Variants in LCTL observed in about 807,000 individuals in gnomAD.
The protein encoded by LCTL is lactase-like protein.
A neutral mutation model predicts 75.8 loss-of-function variants in LCTL; 76 were observed. That is an observed-to-expected ratio of 1.00 (90% CI 0.83 to 1.21). The LOEUF is 1.21. Ranked by LOEUF, LCTL falls within the 50% of genes most tolerant of loss-of-function variation. The pLI is 0.00. For synonymous variants in LCTL, 271 were observed against 268.8 expected, an observed-to-expected ratio of 1.01 and a Z score of -0.08; for missense variants, 670 against 712.4, an observed-to-expected ratio of 0.94 and a Z score of 0.68.
exon 13 of LCTL, chr15:66,547,993 G>A (rs1358076038): frequency 1.3e-5 from 2 of 152,242 alleles, no homozygotes; most frequent in East Asian, 1.9e-4. Flanking sequence ...AACCATGTTG[G>A]CCAGGCTGGT....
At chr15:66,553,103 G>A (rs1442865164) in exon 9 of LCTL, 7 of 1,611,328 alleles carry the variant, frequency 4.3e-6, no homozygotes, top group Non-Finnish European at 5.9e-6. Flanking sequence ...TGGTAGCTGG[G>A]CCCCTGGCGG....
At chr15:66,560,392 C>T (rs1895857224) in intron 6 of LCTL, among the ~76,000 whole-genome samples, 2 of 152,120 alleles carry the variant, frequency 1.3e-5, no homozygotes, top group African/African-American at 4.8e-5. Flanking sequence ...GCCCTTCCTT[C>T]CTGCAGCATC....
At chr15:66,558,757 A>G (rs187367047) in intron 6 of LCTL, among the ~76,000 whole-genome samples, 2 of 146,802 alleles carry the variant, frequency 1.4e-5, no homozygotes, top group Admixed American at 1.4e-4. Context: ...GTGCAGTGGT[A>G]CAATCTTGGC....
At chr15:66,553,387 A>C (rs2140837433) in intron 8 of LCTL, 129 bp from the exon 10 acceptor site, 1 of 729,850 alleles carries the variant, frequency 1.4e-6, no homozygotes, top group Non-Finnish European at 2.1e-6. Context: ...GGGAAGTATA[A>C]CCTTAGCCAT....
chr15:66,564,389 G>A, intron 2 of LCTL: 1 of 476,870 alleles, frequency 2.1e-6, no homozygotes, highest in Admixed American at 3.7e-5. Flanking sequence ...TGAGGCTGTG[G>A]GATCAGCCCT....
At position 66,548,564 on chromosome 15, in the gene LCTL, C is replaced by T. The variant is rs1234187833; in HGVS notation, c.1630G>A (p.Val544Ile). 4 of 1,613,062 alleles carry T rather than the reference C, an allele frequency of 2.5e-6. No individual in the cohort carries two copies. The South Asian group carries it at 3.3e-5, about 13-fold the overall frequency. The change falls in exon 13 of 13, where the codon GTA becomes ATA. Residue 544 changes from valine (V) to isoleucine (I), a missense_variant. Val to Ile is a conservative substitution (Grantham distance 29). Coordinates refer to ENST00000341509, the Ensembl canonical transcript of LCTL. The stretch of plus-strand genomic sequence containing the variant: ...ACACAGAGGGAGCAGACAGTGGGTA[C>T]CACGATCTCCGTAACCATTTGCATG...
At chr15:66,553,534 T>C (rs1251725454) in intron 8 of LCTL, among the ~76,000 whole-genome samples, 3 of 151,980 alleles carry the variant, frequency 2.0e-5, no homozygotes, top group Non-Finnish European at 4.4e-5. Flanking sequence ...GGCGGGCGGA[T>C]CACAAGGTCA....
At chr15:66,564,771 G>C (rs1895982401) in exon 2 of LCTL, 2 of 1,613,514 alleles carry the variant, frequency 1.2e-6, no homozygotes, top group African/African-American at 2.7e-5. Context: ...CAGATGCTAG[G>C]CCCTTTCCCG....
intron 8 of LCTL, among the ~76,000 whole-genome samples, chr15:66,553,671 C>T (rs1567059011): frequency 6.7e-6 from 1 of 149,820 alleles, no homozygotes; most frequent in Non-Finnish European, 1.5e-5. Context: ...AGGAGAATGG[C>T]GTGAATCCAG....
At chr15:66,552,847 C>A (rs959793018) in intron 9 of LCTL, 137 bp downstream of exon 10, 10 of 724,338 alleles carry the variant, frequency 1.4e-5, no homozygotes, top group Non-Finnish European at 2.1e-5. Context: ...GTAAGGCCTA[C>A]ATTTAGTAGC....
intron 8 of LCTL, among the ~76,000 whole-genome samples, chr15:66,554,219 A>T (rs1050844365): frequency 6.9e-6 from 1 of 143,910 alleles, no homozygotes; most frequent in Admixed American, 7.3e-5. Flanking sequence ...TGAAGCCGGG[A>T]GGTGGAGGTT....
At chr15:66,553,568 G>A (rs556490200) in intron 8 of LCTL, among the ~76,000 whole-genome samples, 148 of 150,850 alleles carry the variant, frequency 9.8e-4, no homozygotes, top group Non-Finnish European at 1.7e-3. Flanking sequence ...ATCCTGGCTA[G>A]CACAGTGAAA....
chr15:66,551,961 C>T (rs2140834807), intron 10 of LCTL, 82 bp downstream of exon 11: 4 of 1,546,914 alleles, frequency 2.6e-6, no homozygotes, highest in South Asian at 1.2e-5. Flanking sequence ...GATTTAGAAG[C>T]AAGTTTCAGT....
At chr15:66,553,495 C>T (rs1022739977) in intron 8 of LCTL, among the ~76,000 whole-genome samples, 35 of 152,198 alleles carry the variant, frequency 2.3e-4, no homozygotes, top group African/African-American at 7.5e-4. Flanking sequence ...GTGGCTCACG[C>T]CTATAATCCC....
intron 8 of LCTL, among the ~76,000 whole-genome samples, chr15:66,555,367 C>A (rs957593276): frequency 5.3e-5 from 8 of 149,984 alleles, no homozygotes; most frequent in African/African-American, 2.0e-4. Context: ...CATGGTGAAA[C>A]CCCATCTCTA....
chr15:66,565,650 T>C (rs1896007913), upstream of LCTL, among the ~76,000 whole-genome samples: 1 of 152,102 alleles, frequency 6.6e-6, no homozygotes, highest in African/African-American at 2.4e-5. Flanking sequence ...CTGAGTGGCC[T>C]CTATCTAAGG....
At chr15:66,554,336 G>A (rs530969702) in intron 8 of LCTL, among the ~76,000 whole-genome samples, 11 of 150,170 alleles carry the variant, frequency 7.3e-5, no homozygotes, top group African/African-American at 2.7e-4. Flanking sequence ...GTGGGCATCT[G>A]TAATCCCAGC....
intron 6 of LCTL, among the ~76,000 whole-genome samples, chr15:66,559,757 A>C (rs1895837724): frequency 6.6e-6 from 1 of 152,224 alleles, no homozygotes; most frequent in Non-Finnish European, 1.5e-5. Flanking sequence ...TTGATGGATA[A>C]GAAGGCCCAG....
At chr15:66,564,484 C>T in intron 2 of LCTL, 192 bp downstream of exon 3, 2 of 612,042 alleles carry the variant, frequency 3.3e-6, no homozygotes, top group East Asian at 2.9e-5. Flanking sequence ...CACATCCTGG[C>T]CCCTCCCAAA....
Sources: gnomAD v4.1 joint callset for allele counts (sites outside exome capture counted in the v4.1 genomes callset) on GRCh38, gnomAD v4.1.1 for gene constraint, MANE v1.5 for transcripts, NCBI Gene and HGNC (gene_info 2026-07-23, HGNC 2026-07-21) for gene names.